The following NLRP13 variants were observed in gnomAD, a reference collection of about 807,000 sequenced individuals.
NLRP13 encodes the protein NLR family pyrin domain containing 13, also known as NACHT, LRR and PYD domains-containing protein 13.
Under a neutral mutation model 94.4 loss-of-function variants are expected in NLRP13, and 82 were observed. The ratio of observed to expected loss-of-function variants is 0.87; its 90% CI spans 0.73 to 1.04. The LOEUF (loss-of-function observed/expected upper bound fraction) is 1.04. Among genes scored for constraint, NLRP13 ranks in the 50% least tolerant of loss-of-function variants. The pLI, the probability that NLRP13 is intolerant of heterozygous loss-of-function variation, is 0.00. For synonymous variants in NLRP13, 553 were observed against 464.7 expected (o/e 1.19, Z -2.45); for missense variants, 1,426 against 1,230.8 (o/e 1.16, Z -2.37).
chr19:55,920,370 A>G (rs187497217), intron 4 of NLRP13, among the ~76,000 whole-genome samples: 2 of 152,310 alleles, frequency 1.3e-5, no homozygotes, highest in Non-Finnish European at 2.9e-5. Flanking sequence ...AGAAGTAATC[A>G]AGTGAACAGA....
At chr19:55,925,449 T>G (rs1247697655) in intron 1 of NLRP13, among the ~76,000 whole-genome samples, 1 of 152,236 alleles carries the variant, frequency 6.6e-6, no homozygotes, top group Non-Finnish European at 1.5e-5. Context: ...TAACACACCA[T>G]GTGATTTATG....
chr19:55,914,793 A>G (rs927263849), intron 4 of NLRP13, among the ~76,000 whole-genome samples: 20 of 152,340 alleles, frequency 1.3e-4, no homozygotes, highest in African/African-American at 4.3e-4. Context: ...TATTGCATCT[A>G]TAGGCCATAT....
At chr19:55,921,709 C>T (rs769540239) in intron 4 of NLRP13, among the ~76,000 whole-genome samples, 5 of 152,196 alleles carry the variant, frequency 3.3e-5, no homozygotes, top group South Asian at 2.1e-4. Context: ...TACAATTGCA[C>T]ATATCATCCT....
intron 4 of NLRP13, among the ~76,000 whole-genome samples, chr19:55,920,037 C>A (rs1421310043): frequency 6.6e-6 from 1 of 152,134 alleles, no homozygotes; most frequent in Non-Finnish European, 1.5e-5. Flanking sequence ...ATACCTACAG[C>A]TAGCTGATCT....
rs1423254500 is a variant in NLRP13 at position 55,912,516 on chromosome 19, C to A, written c.1301G>T (p.Cys434Phe). 3 of 1,614,176 alleles carry A rather than the reference C, an allele frequency of 1.9e-6. No individual in the cohort carries two copies. Among genetic ancestry groups the A allele is most frequent in the Non-Finnish European group, 2.5e-6 (3 of 1,179,994 alleles). The change falls in exon 5 of 11, where the codon TGT becomes TTT. Residue 434 changes from cysteine (C) to phenylalanine (F), a missense_variant. Cys to Phe is a radical substitution (Grantham distance 205). Coordinates refer to ENST00000342929, the MANE Select transcript of NLRP13 (RefSeq NM_176810.2). ...ATACCTCACCTTCGGCTGCTTCAGA[C>A]AGGAACATACGGTCCAACACACCAT... ...APMVCWTVCS[C>F]LKQPKVRYYD...
chr19:55,898,201 TTTTTG>T lies in NLRP13; in HGVS notation c.2957+564_2957+568del, dbSNP rs201453137. 0.012 allele frequency among the ~76,000 whole-genome samples: 204 copies of T among 17,588 alleles called. 13 individuals carry two copies. The East Asian group carries it at 0.24, about 21-fold the overall frequency. The allele number at this position is 17,588 out of a possible 152,430, so 11.5% of individuals were successfully genotyped here. A position where few individuals can be genotyped will look rare whatever the true frequency, so the allele number is the denominator to read the frequency against. ...TTATCATCTAGCAGGAGAGTTTTTG[TTTTTG>T]TTTTTGTTTTTTTTTTTTTTGAGAT... is the stretch of plus-strand genomic sequence containing the variant. On this transcript the variant is annotated intron_variant, in intron 10 of 10. Transcript: ENST00000342929.
chr19:55,894,043 C>CTTTTT (rs36039690), downstream of NLRP13, among the ~76,000 whole-genome samples: 2,155 of 112,846 alleles, frequency 0.019, 121 homozygotes, highest in African/African-American at 0.073. Context: ...CATGCCCCAA[C>CTTTTT]TTTTTTTTTT....
chr19:55,913,105 C>G lies in NLRP13; in HGVS notation c.712G>C (p.Gly238Arg). ...ATTGCCAAGGTGGTCTTCCCAACCC[C>G]TGCCCTCCCCACCAAGACTATCGTC... ...AQTIVLVGRA[G>R]VGKTTLAMQA... The change falls in exon 5 of 11, where the codon GGG (glycine) becomes CGG (arginine). Residue 238 changes from glycine (G) to arginine (R), a missense_variant. Gly to Arg is a moderately radical substitution (Grantham distance 125). Transcript: ENST00000342929. The G allele has an allele frequency of 2.5e-6, 4 of 1,614,152 alleles. No individual in the cohort carries two copies. Among genetic ancestry groups the G allele is most frequent in the Non-Finnish European group, 3.4e-6 (4 of 1,180,014 alleles).
Position 55,904,911 on chromosome 19 carries a change from A to C in NLRP13, c.2618+31T>G, listed in dbSNP as rs772466780. ...TCTAGATATCTGTGCCCATAGAGTC[A>C]TATCTAGAAATGGAAGTAGGGAAAA... On this transcript the variant is annotated intron_variant, in intron 8 of 10. Coordinates refer to ENST00000342929, the MANE Select transcript of NLRP13 (RefSeq NM_176810.2). The C allele has an allele frequency of 3.8e-6, 6 of 1,595,948 alleles. No individual in the cohort carries two copies. In the South Asian group the frequency reaches 6.6e-5, roughly 18 times the overall value.
chr19:55,930,901 A>ATATATATATATATATATATATATTT (rs1338071833), intron 1 of NLRP13, among the ~76,000 whole-genome samples: 7 of 98,284 alleles, frequency 7.1e-5, no homozygotes, highest in Admixed American at 3.8e-4. Flanking sequence ...TATATATAAA[A>ATATATATATATATATATATATATTT]TTTTAACCAG....
At chr19:55,923,643 A>G (rs1247469467) in intron 4 of NLRP13, among the ~76,000 whole-genome samples, 2 of 152,082 alleles carry the variant, frequency 1.3e-5, no homozygotes, top group African/African-American at 2.4e-5. Flanking sequence ...CCTCCTCAGT[A>G]TCTGTGGGCA....
chr19:55,917,745 A>C (rs1038248877), intron 4 of NLRP13, among the ~76,000 whole-genome samples: 1 of 131,152 alleles, frequency 7.6e-6, no homozygotes, highest in Non-Finnish European at 1.8e-5. Context: ...ACATATATAC[A>C]TCCATACCAG....
At chr19:55,895,221 AG>A (rs1458489557), downstream of NLRP13, among the ~76,000 whole-genome samples, 14 of 147,462 alleles carry the variant, frequency 9.5e-5, no homozygotes, top group Non-Finnish European at 1.9e-4. Context: ...AAGAAAGAAA[AG>A]AAAAAGAAAA....
chr19:55,898,825 C>T lies in NLRP13; in HGVS notation c.2902G>A (p.Gly968Arg). The T allele has an allele frequency of 3.7e-6, 6 of 1,613,954 alleles. No homozygotes were observed. Among genetic ancestry groups the T allele is most frequent in the Non-Finnish European group, 5.1e-6 (6 of 1,179,926 alleles). The change falls in exon 10 of 11, where the codon GGA (glycine) becomes AGA (arginine). Residue 968 changes from glycine (G) to arginine (R), a missense_variant. Transcript: ENST00000342929. Reference protein sequence around the residue: ...DLGENDLQDDGVKLLCEALKP... With the variant: ...DLGENDLQDDRVKLLCEALKP... ...AGAGCCTCACACAGTAGCTTCACTC[C>T]ATCATCCTGAAGATCATTTTCTCCC...
chr19:55,894,233 G>T (rs1256497530), downstream of NLRP13, among the ~76,000 whole-genome samples: 2 of 151,818 alleles, frequency 1.3e-5, no homozygotes, highest in African/African-American at 2.4e-5. Flanking sequence ...GTAGAGACAG[G>T]ATCTGCCTAT....
intron 4 of NLRP13, 90 bp downstream of exon 4, chr19:55,923,824 T>C (rs1057410125): frequency 2.3e-6 from 2 of 885,932 alleles, no homozygotes; most frequent in African/African-American, 1.6e-5. Context: ...CTGAAGAAAA[T>C]GTCAGTATGA....
chr19:55,892,054 T>C, downstream of NLRP13: 1 of 1,217,566 alleles, frequency 8.2e-7, no homozygotes, highest in South Asian at 4.2e-5. Context: ...CACTTGAGTT[T>C]CAGACAGAGC....
chr19:55,909,712 G>A (rs900500647), intron 6 of NLRP13, among the ~76,000 whole-genome samples: 1 of 152,186 alleles, frequency 6.6e-6, no homozygotes, highest in Non-Finnish European at 1.5e-5. Context: ...GCTCCAACAT[G>A]TCACTGGACA....
At chr19:55,899,805 C>G (rs11084416) in intron 9 of NLRP13, among the ~76,000 whole-genome samples, 1 of 151,852 alleles carries the variant, frequency 6.6e-6, no homozygotes, top group African/African-American at 2.4e-5. Flanking sequence ...ACGTGAAGAA[C>G]GTCCATATGG....
Sources: allele counts gnomAD v4.1 joint callset (sites outside exome capture counted in the v4.1 genomes callset), GRCh38; gene constraint gnomAD v4.1.1; transcripts MANE v1.5; gene names NCBI Gene and HGNC (gene_info 2026-07-23, HGNC 2026-07-21).